The following PHYHIPL variants were observed in gnomAD, a reference collection of about 807,000 sequenced individuals.
PHYHIPL encodes phytanoyl-CoA hydroxylase-interacting protein-like.
A neutral mutation model predicts 33.4 loss-of-function variants in PHYHIPL; 9 were observed. The ratio of observed to expected loss-of-function variants is 0.27; its 90% CI spans 0.16 to 0.47. PHYHIPL has a LOEUF of 0.47. PHYHIPL is among the 20% of genes least tolerant of loss of function. PHYHIPL has a pLI of 0.99. For synonymous variants in PHYHIPL, 153 were observed against 154.1 expected, an observed-to-expected ratio of 0.99 and a Z score of 0.05; for missense variants, 365 against 460.7, an observed-to-expected ratio of 0.79 and a Z score of 1.90.
At chr10:59,235,401 CTGA>C (rs950393051) in intron 2 of PHYHIPL, among the ~76,000 whole-genome samples, 5 of 151,788 alleles carry the variant, frequency 3.3e-5, no homozygotes, top group African/African-American at 1.2e-4. Flanking sequence ...AGTGTTTTCA[CTGA>C]TGATGAAAAT....
intron 1 of PHYHIPL, among the ~76,000 whole-genome samples, chr10:59,189,249 A>T (rs1350210780): frequency 6.6e-6 from 1 of 152,058 alleles, no homozygotes; most frequent in Non-Finnish European, 1.5e-5. Flanking sequence ...CTTATTAAGA[A>T]CATTGAAAAA....
At chr10:59,238,447 A>ATTTTCT in intron 3 of PHYHIPL, 141 bp from the exon 4 acceptor site, 1 of 451,784 alleles carries the variant, frequency 2.2e-6, no homozygotes, top group Non-Finnish European at 3.9e-6. Context: ...GACAATGAAT[A>ATTTTCT]TTTTCTTTTT....
rs1564462793 is a variant in PHYHIPL at position 59,245,264 on chromosome 10, T to C, written c.804T>C (p.Phe268=). 2 of 1,614,134 alleles carry C rather than the reference T, an allele frequency of 1.2e-6. No individual in the cohort carries two copies. Among genetic ancestry groups the C allele is most frequent in the South Asian group, 1.1e-5 (1 of 91,076 alleles). The change falls in exon 5 of 5, where the codon TTT becomes TTC. Residue 268 remains phenylalanine, a synonymous_variant. Coordinates refer to ENST00000373880, the MANE Select transcript of PHYHIPL (RefSeq NM_032439.4). ...TTAACCCCAATACTAACTTATACTT[T>C]GGGGACTTCTACTGTATGTACACTG... The part of the protein sequence containing the change: ...KLFNPNTNLY[F]GDFYCMYTAY...
At chr10:59,213,212 G>C (rs1368318597) in intron 1 of PHYHIPL, among the ~76,000 whole-genome samples, 1 of 151,760 alleles carries the variant, frequency 6.6e-6, no homozygotes, top group Non-Finnish European at 1.5e-5. Context: ...ACTTTCTTCA[G>C]TGCTGCCAGA....
In PHYHIPL at chr10:59,245,475, G is replaced by T. The variant is rs1840624874; in HGVS notation, c.1015G>T (p.Asp339Tyr). 2 of 1,614,106 alleles carry T rather than the reference G, an allele frequency of 1.2e-6. No individual in the cohort carries two copies. Among genetic ancestry groups the T allele is most frequent in the East Asian group, 4.5e-5 (2 of 44,878 alleles). ...ILEVIYTDPV[D>Y]LSVGTVAEIT... The stretch of plus-strand genomic sequence containing the variant: ...AGAAGTCATTTACACTGACCCTGTG[G>T]ATCTTTCTGTGGGCACCGTGGCAGA... The change falls in exon 5 of 5, where the codon GAT becomes TAT. Residue 339 changes from aspartate to tyrosine, a missense_variant. Transcript: ENST00000373880.
In PHYHIPL at chr10:59,234,336, A is replaced by G. The variant is rs764442720; in HGVS notation, c.139A>G (p.Met47Val). Residue 47 changes from methionine (M) to valine (V), a missense_variant, in exon 2 of 5, where the codon ATG becomes GTG. Transcript: ENST00000373880. ...NKSQDSGIAEMEELPVPHNIK... is the reference protein window; with the variant it reads ...NKSQDSGIAEVEELPVPHNIK... ...ATCACAAGACAGTGGCATAGCAGAG[A>G]TGGAAGAACTTCCTGTACCACATAA... 1.9e-6 allele frequency: 3 copies of G among 1,594,942 alleles called. No individual in the cohort carries two copies. Among genetic ancestry groups the G allele is most frequent in the African/African-American group, 1.4e-5 (1 of 73,574 alleles).
intron 1 of PHYHIPL, among the ~76,000 whole-genome samples, chr10:59,192,582 T>C (rs1160614322): frequency 1.3e-5 from 2 of 152,104 alleles, no homozygotes; most frequent in Non-Finnish European, 2.9e-5. Flanking sequence ...ATTGGATGAA[T>C]GAACTGGGAT....
chr10:59,213,978 G>T (rs1450812392), intron 1 of PHYHIPL, among the ~76,000 whole-genome samples: 1 of 152,046 alleles, frequency 6.6e-6, no homozygotes, highest in African/African-American at 2.4e-5. Flanking sequence ...CTCCTTCTAT[G>T]CCTCTGGAAT....
At chr10:59,180,238 C>T (rs904420716) in intron 1 of PHYHIPL, among the ~76,000 whole-genome samples, 32 of 133,116 alleles carry the variant, frequency 2.4e-4, no homozygotes, top group African/African-American at 7.5e-4. Context: ...TTGTGCTTTT[C>T]GTCTTTTAAT....
chr10:59,199,150 G>C (rs1268864765), intron 1 of PHYHIPL, among the ~76,000 whole-genome samples: 2 of 152,122 alleles, frequency 1.3e-5, no homozygotes, highest in Non-Finnish European at 2.9e-5. Flanking sequence ...GTCCTGAATG[G>C]TATTGCCTAG....
At chr10:59,177,432 C>T (rs1564697887) in intron 1 of PHYHIPL, 1 of 1,489,522 alleles carries the variant, frequency 6.7e-7, no homozygotes, top group East Asian at 2.5e-5. Context: ...TCCTCAGACT[C>T]CCCAAATTAA....
intron 3 of PHYHIPL, among the ~76,000 whole-genome samples, chr10:59,237,152 GAAA>G (rs1840251269): frequency 6.6e-6 from 1 of 151,700 alleles, no homozygotes; most frequent in African/African-American, 2.4e-5. Flanking sequence ...AAGACCTTAA[GAAA>G]ATCTGCATCT....
chr10:59,202,348 A>C (rs1421014967), intron 1 of PHYHIPL, among the ~76,000 whole-genome samples: 1 of 152,212 alleles, frequency 6.6e-6, no homozygotes, highest in East Asian at 1.9e-4. Context: ...AAAATGTTTT[A>C]ATAAAATTTA....
intron 1 of PHYHIPL, among the ~76,000 whole-genome samples, chr10:59,203,350 AC>A (rs1348557132): frequency 6.6e-6 from 1 of 152,200 alleles, no homozygotes; most frequent in African/African-American, 2.4e-5. Flanking sequence ...ATTGTGGGAG[AC>A]AGTGTGGCGA....
chr10:59,211,390 G>T (rs1398915525), intron 1 of PHYHIPL, among the ~76,000 whole-genome samples: 3 of 151,868 alleles, frequency 2.0e-5, no homozygotes, highest in South Asian at 2.1e-4. Context: ...GTTTTGTTTT[G>T]TTTGAGATGG....
intron 1 of PHYHIPL, among the ~76,000 whole-genome samples, chr10:59,229,954 T>C (rs1167353856): frequency 2.0e-5 from 3 of 152,228 alleles, no homozygotes; most frequent in Non-Finnish European, 2.9e-5. Flanking sequence ...TCTCAGGCCA[T>C]ATTTAGTTTG....
chr10:59,220,731 G>T (rs1839746430), intron 1 of PHYHIPL, among the ~76,000 whole-genome samples: 1 of 151,998 alleles, frequency 6.6e-6, no homozygotes, highest in African/African-American at 2.4e-5. Flanking sequence ...TAAGGCAGGT[G>T]TAGTACAGTG....
At chr10:59,180,300 T>C (rs1282441286) in intron 1 of PHYHIPL, among the ~76,000 whole-genome samples, 1 of 124,548 alleles carries the variant, frequency 8.0e-6, no homozygotes, top group African/African-American at 2.9e-5. Flanking sequence ...ATATAATATA[T>C]ATATATAGAA....
chr10:59,182,683 G>C (rs539016983), intron 1 of PHYHIPL, among the ~76,000 whole-genome samples: 3 of 152,220 alleles, frequency 2.0e-5, no homozygotes, highest in Admixed American at 1.3e-4. Flanking sequence ...TCAGTGTTTG[G>C]AGACAACTTA....
Sources: allele counts gnomAD v4.1 joint callset (sites outside exome capture counted in the v4.1 genomes callset), GRCh38; gene constraint gnomAD v4.1.1; transcripts MANE v1.5; gene names NCBI Gene and HGNC (gene_info 2026-07-23, HGNC 2026-07-21).